Variants in TRPC5 observed in about 807,000 individuals in gnomAD.
The protein encoded by TRPC5 is transient receptor potential cation channel subfamily C member 5, also known as short transient receptor potential channel 5.
TRPC5 carries 9 observed loss-of-function variants against 56.5 expected under a neutral mutation model. The observed-to-expected ratio is 0.16, with a 90% CI of 0.10 to 0.28. The LOEUF (loss-of-function observed/expected upper bound fraction) is 0.28. Ranked by LOEUF, TRPC5 falls within the 10% of genes least tolerant of loss-of-function variation. TRPC5 has a pLI of 1.00. For missense variants in TRPC5, 469 were observed against 748.9 expected (o/e 0.63, Z 4.36); for synonymous variants, 282 against 278.5 (o/e 1.01, Z -0.13).
chrX:111,790,230 T>TA (rs1335094843), intron 7 of TRPC5, among the ~76,000 whole-genome samples: 2 of 111,332 alleles, frequency 1.8e-5, no homozygotes, highest in East Asian at 2.8e-4. Flanking sequence ...TATGCAGCCA[T>TA]AAAAAAGGAT....
At chrX:112,032,552 C>T (rs1929614943) in intron 1 of TRPC5, among the ~76,000 whole-genome samples, 1 of 112,086 alleles carries the variant, frequency 8.9e-6, no homozygotes, top group Non-Finnish European at 1.9e-5. Context: ...GTTTCCATCT[C>T]TTGGCTATTA....
chrX:112,005,115 C>T (rs113689458), intron 1 of TRPC5, among the ~76,000 whole-genome samples: 9,553 of 110,522 alleles, frequency 0.086, 642 homozygotes, highest in African/African-American at 0.23. Flanking sequence ...TCTTTGGGTA[C>T]GTACCCAGCA....
intron 7 of TRPC5, among the ~76,000 whole-genome samples, chrX:111,809,887 T>G (rs1037515536): frequency 1.8e-5 from 2 of 110,199 alleles, no homozygotes; most frequent in African/African-American, 6.7e-5. Context: ...ATTTTGTTTT[T>G]TTTTTTGTTG....
At position 112,000,830 on chromosome X, in the gene TRPC5, A is replaced by T. The variant is rs762479783; in HGVS notation, c.-21-48389T>A. ...CACATTTGATGGTAGATTTCTGTGA[A>T]AGAATCCTAGGGCGATTTCACTGAC... On this transcript the variant is annotated intron_variant, in intron 1 of 10. Coordinates refer to ENST00000262839, the MANE Select transcript of TRPC5 (RefSeq NM_012471.3). 7.2e-5 allele frequency among the ~76,000 whole-genome samples: 8 copies of T among 111,781 alleles called. No individual in the cohort carries two copies. In the South Asian group the frequency reaches 2.7e-3, roughly 37 times the overall value.
chrX:112,048,507 TGGACCCTGAGATGCCACAG>T (rs1366946067), intron 1 of TRPC5, among the ~76,000 whole-genome samples: 2 of 109,172 alleles, frequency 1.8e-5, no homozygotes, highest in African/African-American at 6.7e-5. Flanking sequence ...AGATCCCTCA[TGGACCCTGAGATGCCACAG>T]TTTTAAGACA....
chrX:111,905,257 T>C (rs1925548381), intron 3 of TRPC5, among the ~76,000 whole-genome samples: 1 of 110,694 alleles, frequency 9.0e-6, no homozygotes, highest in African/African-American at 3.3e-5. Flanking sequence ...TTGGGAATAC[T>C]GCTTATATTT....
At chrX:112,034,082 TTA>T (rs1174785087) in intron 1 of TRPC5, among the ~76,000 whole-genome samples, 1 of 112,029 alleles carries the variant, frequency 8.9e-6, no homozygotes, top group Non-Finnish European at 1.9e-5. Context: ...AAACTTATTC[TTA>T]TTTTTTAAGA....
intron 1 of TRPC5, among the ~76,000 whole-genome samples, chrX:112,001,092 C>T (rs887924315): frequency 1.8e-5 from 2 of 112,482 alleles, no homozygotes; most frequent in Non-Finnish European, 3.7e-5. Flanking sequence ...TTGTAAATGT[C>T]AAGTACATTC....
intron 1 of TRPC5, among the ~76,000 whole-genome samples, chrX:112,075,703 C>T (rs1283768198): frequency 8.9e-6 from 1 of 111,826 alleles, no homozygotes; most frequent in African/African-American, 3.3e-5. Flanking sequence ...GGAGAAGAGA[C>T]AGGAGTTGGC....
intron 2 of TRPC5, among the ~76,000 whole-genome samples, chrX:111,939,685 A>G (rs1293883257): frequency 8.9e-6 from 1 of 111,995 alleles, no homozygotes; most frequent in Non-Finnish European, 1.9e-5. Context: ...TTATTTGAAT[A>G]TAGTTGCTTG....
chrX:112,016,755 A>G (rs1247515448), intron 1 of TRPC5, among the ~76,000 whole-genome samples: 6 of 111,404 alleles, frequency 5.4e-5, no homozygotes, highest in Non-Finnish European at 9.4e-5. Context: ...CAATAACTTA[A>G]TGTAAACTAT....
chrX:112,082,409 AAGAG>A lies in TRPC5; in HGVS notation c.-556_-553del, dbSNP rs1304996260. On this transcript the variant is annotated 5_prime_UTR_variant, in exon 1 of 11. The change abolishes the stop of an existing upstream ORF in the 5' untranslated region. Coordinates refer to ENST00000262839, the MANE Select transcript of TRPC5 (RefSeq NM_012471.3). Reference sequence around the variant, plus strand: ...GAGAGAGGGGAGAGAGAGAGAAAAAAAGAGAGAGAGCCGCATTCACACTCTTACA... The same window carrying A: ...GAGAGAGGGGAGAGAGAGAGAAAAAAAGAGAGCCGCATTCACACTCTTACA... 2 of 109,289 alleles carry A rather than the reference AAGAG, an allele frequency of 1.8e-5. No homozygotes were observed. Among genetic ancestry groups the A allele is most frequent in the Non-Finnish European group, 3.8e-5 (2 of 52,335 alleles). 9.0% of individuals were successfully genotyped at this position (109,289 alleles called of 1,213,427 possible).
At chrX:112,002,262 C>T (rs1569529348) in intron 1 of TRPC5, among the ~76,000 whole-genome samples, 1 of 112,136 alleles carries the variant, frequency 8.9e-6, no homozygotes, top group Non-Finnish European at 1.9e-5. Flanking sequence ...ATGACTTCAT[C>T]TTCGATTACC....
chrX:111,956,051 T>TAATA (rs1927226756), intron 1 of TRPC5, among the ~76,000 whole-genome samples: 1 of 112,634 alleles, frequency 8.9e-6, no homozygotes, highest in African/African-American at 3.2e-5. Flanking sequence ...GGCGTTTGTC[T>TAATA]AATAGAATCT....
At position 111,910,299 on chromosome X, in the gene TRPC5, A is replaced by G. The variant is rs751394590; in HGVS notation, c.900+1992T>C. ...ATGTAAAGTGAAAAAACACTGAAAC[A>G]ATAATATACATCTTTAATGGAAATA... On this transcript the variant is annotated intron_variant, in intron 3 of 10. Coordinates refer to ENST00000262839, the MANE Select transcript of TRPC5 (RefSeq NM_012471.3). 3.6e-5 allele frequency among the ~76,000 whole-genome samples: 4 copies of G among 112,225 alleles called. No individual in the cohort carries two copies. In the East Asian group the frequency reaches 8.4e-4, roughly 23 times the overall value.
At chrX:111,858,539 G>A (rs1253072061) in intron 3 of TRPC5, among the ~76,000 whole-genome samples, 1 of 111,456 alleles carries the variant, frequency 9.0e-6, no homozygotes, top group African/African-American at 3.3e-5. Context: ...ATTCAGGGTG[G>A]GAGAGTTATC....
At chrX:111,877,695 A>G (rs1231991667) in intron 3 of TRPC5, among the ~76,000 whole-genome samples, 2 of 111,240 alleles carry the variant, frequency 1.8e-5, no homozygotes, top group African/African-American at 6.5e-5. Context: ...AACTACTGCA[A>G]ATCCTTTGTG....
chrX:111,848,014 T>C (rs988872305), intron 5 of TRPC5, among the ~76,000 whole-genome samples: 3 of 111,600 alleles, frequency 2.7e-5, no homozygotes, highest in Admixed American at 9.5e-5. Context: ...ACTGGAGCTT[T>C]CTGCTGAATT....
intron 1 of TRPC5, among the ~76,000 whole-genome samples, chrX:111,996,346 A>C: frequency 8.9e-6 from 1 of 112,132 alleles, no homozygotes; most frequent in Middle Eastern, 4.6e-3. Context: ...GTGGTCTGAG[A>C]GACAGTTTGT....
Sources: allele counts gnomAD v4.1 joint callset (sites outside exome capture counted in the v4.1 genomes callset), GRCh38; gene constraint gnomAD v4.1.1; transcripts MANE v1.5; gene names NCBI Gene and HGNC (gene_info 2026-07-23, HGNC 2026-07-21).